Variants in DPH6 observed in about 807,000 individuals in gnomAD.
The protein encoded by DPH6 is diphthine--ammonia ligase.
A neutral mutation model predicts 38.2 loss-of-function variants in DPH6; 33 were observed. The observed-to-expected ratio is 0.86, with a 90% CI of 0.65 to 1.15. The LOEUF (loss-of-function observed/expected upper bound fraction) is 1.15, where lower values mean the gene tolerates loss of function less well. DPH6 is among the 50% of genes most tolerant of loss of function. The pLI is 0.00. For synonymous variants in DPH6, 108 were observed against 103.0 expected, an observed-to-expected ratio of 1.05 and a Z score of -0.30; for missense variants, 325 against 320.0, an observed-to-expected ratio of 1.02 and a Z score of -0.12.
At chr15:35,542,965 T>TATATATATATATATATATATAAA (rs58422347) in intron 1 of DPH6, among the ~76,000 whole-genome samples, 2 of 76,178 alleles carry the variant, frequency 2.6e-5, no homozygotes, top group Non-Finnish European at 5.2e-5. Flanking sequence ...TATATATATA[T>TATATATATATATATATATATAAA]AAAATAATTT....
At chr15:35,296,359 T>C (rs1057242769) in intron 3 of DPH6, among the ~76,000 whole-genome samples, 3 of 152,220 alleles carry the variant, frequency 2.0e-5, no homozygotes, top group African/African-American at 7.2e-5. Context: ...TCTTCTAATT[T>C]TAAAGCCTAC....
intron 3 of DPH6, among the ~76,000 whole-genome samples, chr15:35,291,364 C>T (rs566249193): frequency 3.3e-4 from 50 of 151,944 alleles, no homozygotes; most frequent in African/African-American, 1.2e-3. Context: ...TTTATTTTAC[C>T]TTCTAAAATC....
chr15:35,526,468 G>A (rs756663433), intron 3 of DPH6, among the ~76,000 whole-genome samples: 2 of 152,158 alleles, frequency 1.3e-5, no homozygotes, highest in African/African-American at 2.4e-5. Flanking sequence ...AGCACCCACT[G>A]TGTACGAGTA....
At chr15:35,266,539 T>A (rs144403995) in intron 3 of DPH6, among the ~76,000 whole-genome samples, 2 of 152,218 alleles carry the variant, frequency 1.3e-5, no homozygotes, top group African/African-American at 4.8e-5. Context: ...GTCAAGCAAC[T>A]AACATAAATT....
At chr15:35,540,218 T>C (rs1182717662) in intron 2 of DPH6, among the ~76,000 whole-genome samples, 2 of 152,054 alleles carry the variant, frequency 1.3e-5, no homozygotes, top group Admixed American at 6.6e-5. Flanking sequence ...AGAGCAACAA[T>C]AGTGTGAGAT....
chr15:35,233,984 CTGTT>C (rs1416844565), intron 3 of DPH6, among the ~76,000 whole-genome samples: 6 of 152,170 alleles, frequency 3.9e-5, no homozygotes, highest in African/African-American at 9.7e-5. Flanking sequence ...AAAAGATACT[CTGTT>C]TATTTGTTTG....
chr15:35,288,397 C>G (rs1362889587), intron 3 of DPH6, among the ~76,000 whole-genome samples: 2 of 151,936 alleles, frequency 1.3e-5, no homozygotes, highest in African/African-American at 4.8e-5. Flanking sequence ...AATTTAAAAC[C>G]AAAAGGAGAA....
chr15:35,341,186 G>A (rs985203943), intron 3 of DPH6, among the ~76,000 whole-genome samples: 1 of 152,060 alleles, frequency 6.6e-6, no homozygotes, highest in Non-Finnish European at 1.5e-5. Flanking sequence ...ACTTGTGATT[G>A]CATTGTGTAG....
intron 3 of DPH6, among the ~76,000 whole-genome samples, chr15:35,268,211 ATAAAT>A (rs1406742445): frequency 4.6e-5 from 7 of 150,750 alleles, no homozygotes; most frequent in African/African-American, 1.7e-4. Context: ...AAATAAATAA[ATAAAT>A]AAAAGAAAAC....
rs918916125 is a variant in DPH6 at position 35,282,120 on chromosome 15, G to A, written n.201-61538C>T. 8.6e-5 allele frequency among the ~76,000 whole-genome samples: 13 copies of A among 151,978 alleles called. 1 individual carries two copies. The highest frequency in any genetic ancestry group is 2.6e-4 in the Admixed American group (4 of 15,246). On this transcript the variant is annotated intron_variant and non_coding_transcript_variant, in intron 3 of 3. Transcript: ENST00000560386. The stretch of plus-strand genomic sequence containing the variant: ...TTATATAAAACTAATTTTCTAGTTC[G>A]TTGTTTGTTTTTGCTACTCCTTCTA...
In DPH6 at chr15:35,361,512, CTT is replaced by C. The variant is rs61674855; in HGVS notation, n.207+12007_207+12008del. Reference sequence around the variant, plus strand: ...TTCAGCCATTCTTTAAATAACCTCTCTTTTTTTTTTTCCCTCTCTTATCCTTC... The same window carrying C: ...TTCAGCCATTCTTTAAATAACCTCTCTTTTTTTTTCCCTCTCTTATCCTTC... On this transcript the variant is annotated intron_variant and non_coding_transcript_variant, in intron 3 of 3. Transcript: ENST00000558973. 3.6e-3 allele frequency among the ~76,000 whole-genome samples: 527 copies of C among 147,432 alleles called. 3 individuals are homozygous for C. Among genetic ancestry groups the C allele is most frequent in the African/African-American group, 0.012 (486 of 40,532 alleles).
intron 3 of DPH6, among the ~76,000 whole-genome samples, chr15:35,343,803 A>C (rs571017328): frequency 6.6e-6 from 1 of 152,128 alleles, no homozygotes; most frequent in East Asian, 1.9e-4. Context: ...AAAAACTGTA[A>C]AAATATGCCA....
At chr15:35,407,838 T>C (rs1407067758) in intron 6 of DPH6, among the ~76,000 whole-genome samples, 5 of 151,926 alleles carry the variant, frequency 3.3e-5, no homozygotes, top group Non-Finnish European at 5.9e-5. Flanking sequence ...AAAAGGTGGA[T>C]AGGATGCTGA....
intron 3 of DPH6, among the ~76,000 whole-genome samples, chr15:35,363,617 A>C (rs760716244): frequency 2.6e-5 from 4 of 152,064 alleles, no homozygotes; most frequent in Non-Finnish European, 4.4e-5. Flanking sequence ...TATTTAATGT[A>C]ATTATTGATA....
intron 3 of DPH6, among the ~76,000 whole-genome samples, chr15:35,360,791 G>C (rs2052607843): frequency 6.6e-6 from 1 of 152,100 alleles, no homozygotes; most frequent in South Asian, 2.1e-4. Context: ...AGAGGTCCCT[G>C]GGTTGGCAGG....
intron 3 of DPH6, among the ~76,000 whole-genome samples, chr15:35,301,845 G>A (rs979233897): frequency 4.6e-5 from 7 of 152,072 alleles, no homozygotes; most frequent in Non-Finnish European, 1.0e-4. Context: ...GTGGTGGCAT[G>A]TGCCTGTAAT....
At chr15:35,474,222 A>AT (rs1318251899) in intron 3 of DPH6, among the ~76,000 whole-genome samples, 1 of 152,078 alleles carries the variant, frequency 6.6e-6, no homozygotes, top group African/African-American at 2.4e-5. Context: ...ACCAAGTTAA[A>AT]TTTTTCCCCT....
intron 3 of DPH6, among the ~76,000 whole-genome samples, chr15:35,523,013 T>C (rs541274676): frequency 2.0e-5 from 3 of 152,102 alleles, no homozygotes; most frequent in African/African-American, 4.8e-5. Flanking sequence ...TTTTCAAGTA[T>C]ATTTTAAATT....
chr15:35,509,837 A>G (rs1255700048), intron 3 of DPH6, among the ~76,000 whole-genome samples: 1 of 152,226 alleles, frequency 6.6e-6, no homozygotes, highest in African/African-American at 2.4e-5. Context: ...TTCTTTTGCT[A>G]CCTCAGGAAC....
Sources: allele counts gnomAD v4.1 joint callset (sites outside exome capture counted in the v4.1 genomes callset), GRCh38; gene constraint gnomAD v4.1.1; transcripts MANE v1.5; gene names NCBI Gene and HGNC (gene_info 2026-07-23, HGNC 2026-07-21).